GRIK4: variants seen among roughly 807,000 people sequenced by gnomAD.
GRIK4 encodes glutamate receptor ionotropic, kainate 4.
A neutral mutation model predicts 104.9 loss-of-function variants in GRIK4; 40 were observed. The ratio of observed to expected loss-of-function variants is 0.38; its 90% CI spans 0.30 to 0.50. The LOEUF (loss-of-function observed/expected upper bound fraction) is 0.50. Ranked by LOEUF, GRIK4 falls within the 20% of genes least tolerant of loss-of-function variation. The probability of loss-of-function intolerance (pLI) is 0.93; values close to 1 mark genes in which losing one functional copy is unlikely to be tolerated. For synonymous variants in GRIK4, 485 were observed against 524.9 expected, an observed-to-expected ratio of 0.92 and a Z score of 1.04; for missense variants, 1,047 against 1,308.1, an observed-to-expected ratio of 0.80 and a Z score of 3.08.
At chr11:120,626,444 C>T (rs186326373) in intron 1 of GRIK4, among the ~76,000 whole-genome samples, 3 of 152,222 alleles carry the variant, frequency 2.0e-5, no homozygotes, top group East Asian at 1.9e-4. Flanking sequence ...TACCCTTAGA[C>T]GAGAGAGTGG....
At chr11:120,802,637 G>A in intron 3 of GRIK4, 56 bp from the exon 4 acceptor site, 2 of 1,459,748 alleles carry the variant, frequency 1.4e-6, no homozygotes, top group Non-Finnish European at 1.9e-6. Flanking sequence ...GGAGAAGGAG[G>A]AGGGTAACAG....
At chr11:120,911,693 T>G (rs1285479994) in intron 13 of GRIK4, among the ~76,000 whole-genome samples, 1 of 150,166 alleles carries the variant, frequency 6.7e-6, no homozygotes. Flanking sequence ...AATACAAAAA[T>G]TAGCCAGGCG....
intron 13 of GRIK4, among the ~76,000 whole-genome samples, chr11:120,915,181 T>C (rs768140677): frequency 4.6e-5 from 7 of 151,614 alleles, no homozygotes; most frequent in Non-Finnish European, 1.0e-4. Context: ...AGGGAGGAAA[T>C]CCATCTTCTC....
chr11:120,633,055 A>C (rs1039952465), intron 1 of GRIK4, among the ~76,000 whole-genome samples: 6 of 152,074 alleles, frequency 3.9e-5, no homozygotes, highest in African/African-American at 1.4e-4. Flanking sequence ...CACCTTGGTC[A>C]TCTGATCCTA....
chr11:120,719,843 A>G (rs1940920605), intron 3 of GRIK4, among the ~76,000 whole-genome samples: 1 of 152,196 alleles, frequency 6.6e-6, no homozygotes, highest in African/African-American at 2.4e-5. Context: ...TTGCTAAGGC[A>G]CTTCTACCGC....
intron 11 of GRIK4, among the ~76,000 whole-genome samples, chr11:120,878,638 C>G (rs1954883187): frequency 1.6e-5 from 2 of 127,906 alleles, no homozygotes; most frequent in Non-Finnish European, 3.2e-5. Context: ...TTCAACAAAT[C>G]TAGTGAGTGT....
intron 7 of GRIK4, 49 bp downstream of exon 7, chr11:120,832,079 C>A: frequency 1.5e-6 from 2 of 1,353,956 alleles, no homozygotes; most frequent in Non-Finnish European, 2.1e-6. Context: ...CCACCCTCCC[C>A]CCTCCTTGCC....
At chr11:120,782,030 G>A (rs891526337) in intron 3 of GRIK4, among the ~76,000 whole-genome samples, 1 of 152,064 alleles carries the variant, frequency 6.6e-6, no homozygotes, top group Non-Finnish European at 1.5e-5. Context: ...GATTCAGGTC[G>A]CAGCTCAGGT....
At chr11:120,516,935 C>CTAGGATTGCTGCCTCGATTTCCGCCCT (rs879830172) in intron 1 of GRIK4, among the ~76,000 whole-genome samples, 3 of 149,906 alleles carry the variant, frequency 2.0e-5, no homozygotes, top group African/African-American at 7.5e-5. Context: ...CGTTCCTGGG[C>CTAGGATTGCTGCCTCGATTTCCGCCCT]AGCAGCCACT....
rs1943693187 is a variant in GRIK4 at position 120,940,339 on chromosome 11, C to T, written c.1477-8C>T. 1 of 1,590,776 alleles carries T rather than the reference C, an allele frequency of 6.3e-7. No individual in the cohort carries two copies. The highest frequency in any genetic ancestry group is 1.7e-4 in the Middle Eastern group (1 of 6,012). ...ACCCCACTGACGGGCTGTCTCTGTT[C>T]TTTTCAGAAAGCAGATCTGGCTGTG... On this transcript the variant is annotated splice_region_variant and splice_polypyrimidine_tract_variant and intron_variant, in intron 13 of 20. Transcript: ENST00000527524. This position sits in a 1 kb window ranked among gnomAD's most constrained non-coding sequence, Gnocchi z 4.3.
Position 120,962,693 on chromosome 11 carries a change from A to T in GRIK4, c.2266+12A>T, listed in dbSNP as rs1011034724. On this transcript the variant is annotated intron_variant, in intron 18 of 20. Coordinates refer to ENST00000527524, the MANE Select transcript of GRIK4 (RefSeq NM_014619.5). ...TGGCATGCCAGTCGGTATGCGGGAG[A>T]GGAACAGCCTCTTTGGGTAGCTTTG... The T allele has an allele frequency of 6.3e-7, 1 of 1,578,322 alleles. No homozygotes were observed. Among genetic ancestry groups the T allele is most frequent in the East Asian group, 2.2e-5 (1 of 44,674 alleles).
chr11:120,742,005 C>CA, intron 3 of GRIK4, among the ~76,000 whole-genome samples: 1 of 152,194 alleles, frequency 6.6e-6, no homozygotes, highest in Non-Finnish European at 1.5e-5. Flanking sequence ...AGACTGGGCT[C>CA]ACATCTCAGG....
intron 1 of GRIK4, among the ~76,000 whole-genome samples, chr11:120,603,438 G>A (rs1314682907): frequency 1.3e-5 from 2 of 152,190 alleles, no homozygotes; most frequent in Non-Finnish European, 2.9e-5. Context: ...TTTTATTTCT[G>A]CAGTTCGTTG....
Position 120,511,823 on chromosome 11 carries a change from A to G in GRIK4, c.-223A>G, listed in dbSNP as rs1947658185. On this transcript the variant is annotated 5_prime_UTR_variant, in exon 1 of 21. Transcript: ENST00000527524. ...CGGAAGAGGAAAAACGGCCAACAGCAGCCCCGCGGCCGGCCCGGCAGCGCC... is the reference window on the plus strand; with the variant it reads ...CGGAAGAGGAAAAACGGCCAACAGCGGCCCCGCGGCCGGCCCGGCAGCGCC... 3 of 358,802 alleles carry G rather than the reference A, an allele frequency of 8.4e-6. No homozygotes were observed. Among genetic ancestry groups the G allele is most frequent in the South Asian group, 5.6e-5 (3 of 53,892 alleles). The allele number at this position is 358,802 out of a possible 1,614,324, so 22.2% of individuals were successfully genotyped here.
intron 3 of GRIK4, among the ~76,000 whole-genome samples, chr11:120,758,067 A>G (rs980918181): frequency 1.3e-5 from 2 of 152,122 alleles, no homozygotes; most frequent in East Asian, 3.9e-4. Flanking sequence ...ACCCCTCTGC[A>G]TCCATTTCCC....
At chr11:120,684,179 TG>T (rs973016195) in intron 3 of GRIK4, among the ~76,000 whole-genome samples, 1 of 151,966 alleles carries the variant, frequency 6.6e-6, no homozygotes, top group Non-Finnish European at 1.5e-5. Flanking sequence ...TAAAATTAGT[TG>T]GGCGTAATGG....
chr11:120,694,949 C>T (rs954192557), intron 3 of GRIK4, among the ~76,000 whole-genome samples: 1 of 152,222 alleles, frequency 6.6e-6, no homozygotes, highest in Non-Finnish European at 1.5e-5. Context: ...TTCTTGGCTT[C>T]ATCACAGGAA....
rs189214129 is a variant in GRIK4 at position 120,929,562 on chromosome 11, C to A, written c.1477-10785C>A. ...ATACAGATGTTATTCTGCTCAAATG[C>A]ACAGCACAAAAGGACTGGGGCCTGG... On this transcript the variant is annotated intron_variant, in intron 13 of 20. Coordinates refer to ENST00000527524, the MANE Select transcript of GRIK4 (RefSeq NM_014619.5). Among the ~76,000 whole-genome samples the A allele has an allele frequency of 5.9e-5, 9 of 152,308 alleles. No homozygotes were observed. The East Asian group carries it at 1.7e-3, about 29-fold the overall frequency.
At chr11:120,706,768 G>C (rs1272481537) in intron 3 of GRIK4, among the ~76,000 whole-genome samples, 1 of 152,188 alleles carries the variant, frequency 6.6e-6, no homozygotes, top group Non-Finnish European at 1.5e-5. Flanking sequence ...AGTAGGGATG[G>C]CAACTGGTTC....
Sources: allele counts gnomAD v4.1 joint callset (sites outside exome capture counted in the v4.1 genomes callset), GRCh38; gene constraint gnomAD v4.1.1; non-coding constraint Gnocchi (gnomAD v3.1); transcripts MANE v1.5; gene names NCBI Gene and HGNC (gene_info 2026-07-23, HGNC 2026-07-21).